The following NBEA variants were observed in gnomAD, a reference collection of about 807,000 sequenced individuals.
NBEA encodes lysosomal-trafficking regulator 2.
NBEA carries 44 observed loss-of-function variants against 343.4 expected under a neutral mutation model. The observed-to-expected ratio is 0.13, with a 90% CI of 0.10 to 0.16. NBEA has a LOEUF of 0.16. Among genes scored for constraint, NBEA ranks in the 10% least tolerant of loss-of-function variants. The pLI is 1.00. For missense variants in NBEA, 2,555 were observed against 3,631.3 expected (o/e 0.70, Z 7.62); for synonymous variants, 1,175 against 1,238.7 (o/e 0.95, Z 1.08).
chr13:35,530,134 G>A (rs1478273959), intron 41 of NBEA, among the ~76,000 whole-genome samples: 2 of 152,210 alleles, frequency 1.3e-5, no homozygotes, highest in Non-Finnish European at 2.9e-5. Context: ...TTAATATGAA[G>A]TAACATGGAT....
At chr13:35,546,686 G>A (rs1012505989) in intron 41 of NBEA, among the ~76,000 whole-genome samples, 2 of 151,746 alleles carry the variant, frequency 1.3e-5, no homozygotes, top group African/African-American at 4.8e-5. Context: ...CCAAGTAGCT[G>A]GGATTACAGG....
chr13:35,570,073 G>A (rs1402293052), intron 45 of NBEA, among the ~76,000 whole-genome samples: 3 of 152,150 alleles, frequency 2.0e-5, no homozygotes, highest in South Asian at 2.1e-4. Flanking sequence ...TCGCTCTGTC[G>A]CCCAGGCTGG....
intron 40 of NBEA, among the ~76,000 whole-genome samples, chr13:35,466,568 A>C (rs1190896563): frequency 1.3e-5 from 2 of 152,182 alleles, no homozygotes; most frequent in Admixed American, 1.3e-4. Context: ...CCAGGGCTCA[A>C]GGGATCCTCC....
In NBEA at chr13:35,047,120, A is replaced by G. The variant is rs542738587; in HGVS notation, c.724-1443A>G. On this transcript the variant is annotated intron_variant, in intron 4 of 58. Transcript: ENST00000379939. Reference sequence around the variant, plus strand: ...GATAATAAAATGTTATTTATATTGTATGATAATAAAACTGCCTGAACTAAT... The same window carrying G: ...GATAATAAAATGTTATTTATATTGTGTGATAATAAAACTGCCTGAACTAAT... Among the ~76,000 whole-genome samples the G allele has an allele frequency of 2.0e-5, 3 of 152,204 alleles. No individual in the cohort carries two copies. In the South Asian group the frequency reaches 6.2e-4, roughly 32 times the overall value.
At chr13:35,465,827 T>G (rs982216007) in intron 40 of NBEA, among the ~76,000 whole-genome samples, 25 of 152,050 alleles carry the variant, frequency 1.6e-4, no homozygotes, top group Non-Finnish European at 2.9e-5. Context: ...GCAGCAGTTT[T>G]TTTTTTTTCT....
At chr13:35,439,402 C>G (rs943109125) in intron 39 of NBEA, among the ~76,000 whole-genome samples, 1 of 152,090 alleles carries the variant, frequency 6.6e-6, no homozygotes, top group Non-Finnish European at 1.5e-5. Flanking sequence ...TGAATTGTCT[C>G]AAGACTTGAT....
intron 11 of NBEA, among the ~76,000 whole-genome samples, chr13:35,099,188 C>A (rs1264091732): frequency 6.8e-6 from 1 of 147,148 alleles, no homozygotes; most frequent in South Asian, 2.2e-4. Context: ...CACCACCATG[C>A]CTGGCTAAAG....
intron 55 of NBEA, 148 bp downstream of exon 55, chr13:35,655,897 C>A: frequency 1.5e-6 from 1 of 664,622 alleles, no homozygotes; most frequent in Non-Finnish European, 2.5e-6. Context: ...TGGAACGTAG[C>A]TATGTTCAAA....
chr13:35,114,129 T>G (rs576049318), intron 13 of NBEA, among the ~76,000 whole-genome samples: 1 of 152,318 alleles, frequency 6.6e-6, no homozygotes, highest in South Asian at 2.1e-4. Context: ...TGAGGTGTGC[T>G]TCTTGGTTTT....
At chr13:35,630,439 C>T (rs1274894695) in intron 49 of NBEA, among the ~76,000 whole-genome samples, 2 of 152,192 alleles carry the variant, frequency 1.3e-5, no homozygotes, top group East Asian at 3.9e-4. Flanking sequence ...ATGATTCAAG[C>T]ATATGTTGGC....
chr13:35,668,563 T>G (rs2085462568), intron 58 of NBEA, 44 bp downstream of exon 58: 5 of 1,507,778 alleles, frequency 3.3e-6, no homozygotes, highest in Non-Finnish European at 3.6e-6. Context: ...GAACTGTCAT[T>G]GAAGGCTCTC....
intron 6 of NBEA, among the ~76,000 whole-genome samples, chr13:35,054,717 C>T (rs1253711035): frequency 2.1e-5 from 3 of 145,692 alleles, no homozygotes; most frequent in East Asian, 2.0e-4. Flanking sequence ...GATCTTGGCT[C>T]ACTGCAACCT....
chr13:35,395,321 A>G (rs1594470115), intron 38 of NBEA, among the ~76,000 whole-genome samples: 1 of 152,008 alleles, frequency 6.6e-6, no homozygotes, highest in South Asian at 2.1e-4. Flanking sequence ...TTCCTCTGAT[A>G]GAATTCTCAT....
chr13:35,476,630 T>C, intron 41 of NBEA: 1 of 501,504 alleles, frequency 2.0e-6, no homozygotes, highest in Non-Finnish European at 3.6e-6. Flanking sequence ...GTGTGCTGAG[T>C]GTGTGTCCGG....
chr13:35,146,928 G>C (rs1213311151), intron 18 of NBEA, among the ~76,000 whole-genome samples: 2 of 152,112 alleles, frequency 1.3e-5, no homozygotes, highest in Non-Finnish European at 2.9e-5. Context: ...GTGCTGACTG[G>C]CTGATAAAGT....
intron 40 of NBEA, among the ~76,000 whole-genome samples, chr13:35,454,406 T>A (rs2046455004): frequency 6.6e-6 from 1 of 152,248 alleles, no homozygotes; most frequent in Admixed American, 6.5e-5. Flanking sequence ...TAACTGTTTT[T>A]GCCCTAAGCA....
Position 34,993,914 on chromosome 13 carries a change from G to C in NBEA, c.295-47019G>C, listed in dbSNP as rs2060846527. Among the ~76,000 whole-genome samples, 6 of 151,888 alleles carry C rather than the reference G, an allele frequency of 4.0e-5. 1 individual carries two copies. In the South Asian group the frequency reaches 1.2e-3, roughly 32 times the overall value. On this transcript the variant is annotated intron_variant, in intron 1 of 58. Transcript: ENST00000379939. ...AAAACTATAAAAAATGGCTTCATAA[G>C]GGGCTGGGCATGGTGGCTCATGCCC... is the stretch of plus-strand genomic sequence containing the variant.
At chr13:34,965,866 T>G (rs142910193) in intron 1 of NBEA, among the ~76,000 whole-genome samples, 19 of 152,150 alleles carry the variant, frequency 1.2e-4, no homozygotes, top group African/African-American at 4.3e-4. Context: ...AATTATCTGT[T>G]GTTGTTTGTT....
chr13:35,568,473 A>C (rs2080238200), intron 45 of NBEA, among the ~76,000 whole-genome samples: 2 of 152,188 alleles, frequency 1.3e-5, no homozygotes, highest in African/African-American at 4.8e-5. Flanking sequence ...TAAATTATTT[A>C]AGATAAGGTA....
Sources: allele counts gnomAD v4.1 joint callset (sites outside exome capture counted in the v4.1 genomes callset), GRCh38; gene constraint gnomAD v4.1.1; transcripts MANE v1.5; gene names NCBI Gene and HGNC (gene_info 2026-07-23, HGNC 2026-07-21).